EIF5B: variants seen among roughly 807,000 people sequenced by gnomAD.
EIF5B encodes eIF-5B.
In EIF5B, 47 loss-of-function variants were observed where a neutral mutation model predicts 147.5. The ratio of observed to expected loss-of-function variants is 0.32; its 90% CI spans 0.25 to 0.41. EIF5B has a LOEUF of 0.41. EIF5B is among the 10% of genes least tolerant of loss of function. EIF5B has a pLI of 1.00. For missense variants in EIF5B, 1,064 were observed against 1,413.2 expected (o/e 0.75, Z 3.96); for synonymous variants, 455 against 456.2 (o/e 1.00, Z 0.03).
chr2:99,366,414 A>G (rs1338451452), intron 6 of EIF5B, among the ~76,000 whole-genome samples: 3 of 152,192 alleles, frequency 2.0e-5, no homozygotes, highest in Non-Finnish European at 4.4e-5. Flanking sequence ...TGATCTCTGC[A>G]TTCTCAGCTG....
Position 99,337,442 on chromosome 2 carries a change from C to G in EIF5B, c.-113C>G, listed in dbSNP as rs1047994662. 2 of 1,366,616 alleles carry G rather than the reference C, an allele frequency of 1.5e-6. No individual in the cohort carries two copies. Among genetic ancestry groups the G allele is most frequent in the Non-Finnish European group, 2.0e-6 (2 of 979,372 alleles). 84.7% of individuals were successfully genotyped at this position (1,366,616 alleles called of 1,614,324 possible). ...GGGTCTGTGGAGAGCCGGGTGCGAGCGGCGGCAGCACGAGGGGAAAAGAGC... is the reference window on the plus strand; with the variant it reads ...GGGTCTGTGGAGAGCCGGGTGCGAGGGGCGGCAGCACGAGGGGAAAAGAGC... On this transcript the variant is annotated 5_prime_UTR_variant, in exon 1 of 24. Coordinates refer to ENST00000289371, the MANE Select transcript of EIF5B (RefSeq NM_015904.4).
chr2:99,345,696 G>C (rs11679115), intron 1 of EIF5B, among the ~76,000 whole-genome samples: 57,751 of 151,448 alleles, frequency 0.38, 11,798 homozygotes, highest in East Asian at 0.63. Flanking sequence ...TGTAATCCCA[G>C]CACTTTGGGA....
intron 17 of EIF5B, among the ~76,000 whole-genome samples, chr2:99,391,729 C>CTTTTTT (rs759464054): frequency 6.2e-5 from 8 of 129,820 alleles, no homozygotes; most frequent in African/African-American, 2.0e-4. Context: ...ATAGCTGGCT[C>CTTTTTT]TTTTTTTTTT....
At chr2:99,391,255 C>T (rs369157560) in intron 17 of EIF5B, among the ~76,000 whole-genome samples, 2 of 152,272 alleles carry the variant, frequency 1.3e-5, no homozygotes, top group East Asian at 3.9e-4. Context: ...TCCTCATTCT[C>T]ATCTTCATGT....
At chr2:99,352,129 G>A (rs751801898) in intron 1 of EIF5B, among the ~76,000 whole-genome samples, 1 of 152,158 alleles carries the variant, frequency 6.6e-6, no homozygotes, top group East Asian at 1.9e-4. Flanking sequence ...TTGTTTCTTT[G>A]TAGGCAAATC....
chr2:99,342,577 T>C (rs1016424266), intron 1 of EIF5B, among the ~76,000 whole-genome samples: 3 of 151,940 alleles, frequency 2.0e-5, no homozygotes, highest in South Asian at 4.1e-4. Context: ...TAATCATTCC[T>C]CCCCCTCCTT....
At chr2:99,360,672 T>C (rs1434741370) in intron 3 of EIF5B, 123 bp downstream of exon 3, 2 of 839,810 alleles carry the variant, frequency 2.4e-6, no homozygotes, top group Non-Finnish European at 3.5e-6. Context: ...TAAAAGCTTC[T>C]ATGAAATCTG....
At chr2:99,393,955 C>T (rs548800398) in intron 18 of EIF5B, among the ~76,000 whole-genome samples, 22 of 152,272 alleles carry the variant, frequency 1.4e-4, no homozygotes, top group Middle Eastern at 6.8e-3. Flanking sequence ...ACTTTTTTAA[C>T]TTTAAAAAAA....
At chr2:99,346,266 A>G (rs1023532212) in intron 1 of EIF5B, among the ~76,000 whole-genome samples, 3 of 152,198 alleles carry the variant, frequency 2.0e-5, no homozygotes, top group African/African-American at 7.2e-5. Context: ...TGAGATCTTC[A>G]GTTGCTCCTG....
intron 1 of EIF5B, among the ~76,000 whole-genome samples, chr2:99,355,109 G>A (rs1559246263): frequency 1.3e-5 from 2 of 151,946 alleles, no homozygotes; most frequent in Non-Finnish European, 2.9e-5. Context: ...GGGCCTAAAT[G>A]GTTATACTTC....
At chr2:99,341,111 A>C (rs2105333127) in intron 1 of EIF5B, among the ~76,000 whole-genome samples, 1 of 152,328 alleles carries the variant, frequency 6.6e-6, no homozygotes, top group African/African-American at 2.4e-5. Context: ...GTGTTTGTTC[A>C]GCAAGTTTTC....
intron 11 of EIF5B, 67 bp downstream of exon 11, chr2:99,379,193 CT>C: frequency 7.0e-7 from 1 of 1,423,924 alleles, no homozygotes; most frequent in South Asian, 1.3e-5. Flanking sequence ...TAAAAAAAAA[CT>C]TTAGAGACCA....
intron 1 of EIF5B, among the ~76,000 whole-genome samples, chr2:99,344,121 A>G (rs2094267286): frequency 6.6e-6 from 1 of 151,824 alleles, no homozygotes; most frequent in Admixed American, 6.6e-5. Flanking sequence ...GGGTTTCACC[A>G]TGTTAGCCAG....
chr2:99,337,527 C>T lies in EIF5B; in HGVS notation c.-28C>T, dbSNP rs2094245787. On this transcript the variant is annotated 5_prime_UTR_variant, in exon 1 of 24. Transcript: ENST00000289371. ...GTCTGTGAGAGACCGAATAGAGGGG[C>T]TGGGGCCACGAGCGCCATTGACAAG... 6.2e-7 allele frequency: 1 copy of T among 1,610,018 alleles called. No individual in the cohort carries two copies. The highest frequency in any genetic ancestry group is 1.3e-5 in the African/African-American group (1 of 74,836).
At chr2:99,354,548 C>T (rs1209076096) in intron 1 of EIF5B, among the ~76,000 whole-genome samples, 1 of 152,148 alleles carries the variant, frequency 6.6e-6, no homozygotes, top group Non-Finnish European at 1.5e-5. Flanking sequence ...TTGGATTGTG[C>T]TTTTAGTTTC....
intron 1 of EIF5B, among the ~76,000 whole-genome samples, chr2:99,349,448 AG>A (rs1673857579): frequency 6.6e-6 from 1 of 152,230 alleles, no homozygotes; most frequent in Non-Finnish European, 1.5e-5. Flanking sequence ...TTTGTACATG[AG>A]GTTAATTTTC....
rs771568251 is a variant in EIF5B at position 99,361,562 on chromosome 2, G to A, written c.661G>A (p.Ala221Thr). 96 of 1,612,244 alleles carry A rather than the reference G, an allele frequency of 6.0e-5. No homozygotes were observed. Among genetic ancestry groups the A allele is most frequent in the Admixed American group, 1.7e-4 (10 of 59,602 alleles). ...NIESGNEDDD[A>T]SFKIKTVAQK... is the part of the protein sequence containing the mutation. ...AGAAAGTGGGAATGAAGATGATGAC[G>A]CCTCCTTCAAAATTAAGACAGTGGC... The change falls in exon 4 of 24, where the codon GCC becomes ACC. Residue 221 changes from alanine to threonine, a missense_variant. This residue lies in a region of EIF5B where 458 missense variants were observed against 451.3 expected (regional missense o/e 1.01). Transcript: ENST00000289371.
intron 12 of EIF5B, among the ~76,000 whole-genome samples, chr2:99,381,042 A>C (rs770121587): frequency 2.6e-5 from 4 of 152,200 alleles, no homozygotes. Flanking sequence ...ATCGTTTTAC[A>C]TCTTGATGTC....
intron 10 of EIF5B, among the ~76,000 whole-genome samples, chr2:99,378,278 T>A (rs1676500847): frequency 6.6e-6 from 1 of 152,214 alleles, no homozygotes; most frequent in South Asian, 2.1e-4. Flanking sequence ...TGCTTCAAGT[T>A]TATCTAATTT....
Sources: gnomAD v4.1 joint callset for allele counts (sites outside exome capture counted in the v4.1 genomes callset) on GRCh38, gnomAD v4.1.1 for gene constraint, gnomAD v4.1.1 regional missense constraint, MANE v1.5 for transcripts, NCBI Gene and HGNC (gene_info 2026-07-23, HGNC 2026-07-21) for gene names.